MYO9B: variants seen among roughly 807,000 people sequenced by gnomAD.
MYO9B encodes the protein unconventional myosin-IXb.
MYO9B carries 71 observed loss-of-function variants against 229.5 expected under a neutral mutation model. The ratio of observed to expected loss-of-function variants is 0.31; its 90% CI spans 0.26 to 0.38. MYO9B has a LOEUF of 0.38. MYO9B is among the 10% of genes least tolerant of loss of function. MYO9B has a pLI of 1.00. For missense variants in MYO9B, 2,255 were observed against 2,920.5 expected (o/e 0.77, Z 5.25); for synonymous variants, 1,185 against 1,235.8 (o/e 0.96, Z 0.86).
chr19:17,124,446 G>A (rs1369685208), intron 2 of MYO9B, among the ~76,000 whole-genome samples: 3 of 152,078 alleles, frequency 2.0e-5, no homozygotes, highest in Admixed American at 1.3e-4. Flanking sequence ...TTTTTTTAAA[G>A]TAAACTTATA....
intron 2 of MYO9B, among the ~76,000 whole-genome samples, chr19:17,116,348 G>A (rs1438482444): frequency 6.6e-6 from 1 of 152,174 alleles, no homozygotes; most frequent in East Asian, 1.9e-4. Flanking sequence ...CTGACCAGAG[G>A]TGCATGCCCA....
chr19:17,158,871 G>A (rs555169251), intron 7 of MYO9B, among the ~76,000 whole-genome samples: 6 of 152,180 alleles, frequency 3.9e-5, no homozygotes, highest in East Asian at 3.9e-4. Context: ...CGTGCTATGT[G>A]GGAATTCTGA....
intron 35 of MYO9B, 42 bp downstream of exon 35, chr19:17,207,286 C>A (rs772926872): frequency 4.5e-6 from 7 of 1,572,860 alleles, no homozygotes; most frequent in Non-Finnish European, 6.0e-6. Flanking sequence ...CAGGGCAGCC[C>A]CACCCAGGAC....
chr19:17,135,082 T>C (rs2145191007), intron 2 of MYO9B, among the ~76,000 whole-genome samples: 1 of 152,314 alleles, frequency 6.6e-6, no homozygotes, highest in Non-Finnish European at 1.5e-5. Flanking sequence ...CATCTGTTGA[T>C]GCACACGTCT....
intron 2 of MYO9B, among the ~76,000 whole-genome samples, chr19:17,102,901 C>T (rs1448418186): frequency 1.4e-5 from 2 of 142,946 alleles, no homozygotes; most frequent in Non-Finnish European, 3.1e-5. Context: ...AGAGAGACTC[C>T]ATCTCAAAAA....
intron 2 of MYO9B, among the ~76,000 whole-genome samples, chr19:17,115,897 A>G (rs983410120): frequency 6.6e-6 from 1 of 151,938 alleles, no homozygotes; most frequent in African/African-American, 2.4e-5. Flanking sequence ...TGCCATAGAC[A>G]TACATACGTA....
At chr19:17,158,687 G>A (rs1005211509) in intron 7 of MYO9B, among the ~76,000 whole-genome samples, 8 of 152,190 alleles carry the variant, frequency 5.3e-5, no homozygotes, top group Non-Finnish European at 1.0e-4. Context: ...TTGGCAGTGC[G>A]GGGAGGGATG....
In MYO9B at chr19:17,207,450, T is replaced by C. The variant is rs2073175318; in HGVS notation, c.5624+206T>C. 9.9e-6 allele frequency: 4 copies of C among 402,710 alleles called. No homozygotes were observed. In the South Asian group the frequency reaches 5.2e-4, roughly 52 times the overall value. 24.9% of individuals were successfully genotyped at this position (402,710 alleles called of 1,614,324 possible). On this transcript the variant is annotated intron_variant, in intron 35 of 39. Transcript: ENST00000682292. ...GAGTTCGAGACCAGCCTGGGCAACA[T>C]AGCAAGACCCTACAAAAAATTTGAA...
Position 17,112,790 on chromosome 19 carries a change from GGGGTCAGGGACAGACA to G in MYO9B, c.840+10235_840+10250del, listed in dbSNP as rs1476538402. On this transcript the variant is annotated intron_variant, in intron 2 of 39. Transcript: ENST00000682292. ...TCCTGTCGCATGACCCAGTCAGAGA[GGGGTCAGGGACAGACA>G]GCAAGCTGGGGCACCTCCCAGCCAG... 2.6e-5 allele frequency among the ~76,000 whole-genome samples: 4 copies of G among 152,230 alleles called. No individual in the cohort carries two copies. The East Asian group carries it at 7.7e-4, about 29-fold the overall frequency.
intron 18 of MYO9B, among the ~76,000 whole-genome samples, chr19:17,186,815 C>G (rs544786253): frequency 2.0e-5 from 3 of 152,112 alleles, no homozygotes; most frequent in African/African-American, 7.2e-5. Flanking sequence ...ACTGCAGCCT[C>G]GACCTCCCAG....
chr19:17,181,145 A>C, intron 15 of MYO9B, 105 bp downstream of exon 15: 1 of 716,840 alleles, frequency 1.4e-6, no homozygotes. Context: ...TCGGCCACTA[A>C]AACCACAGTG....
intron 1 of MYO9B, among the ~76,000 whole-genome samples, chr19:17,083,715 C>T (rs955364802): frequency 3.3e-5 from 5 of 150,044 alleles, no homozygotes; most frequent in African/African-American, 1.2e-4. Context: ...GGCACGGCCT[C>T]GGCTCACTGC....
intron 30 of MYO9B, among the ~76,000 whole-genome samples, chr19:17,204,084 C>T (rs527829272): frequency 6.6e-6 from 1 of 151,968 alleles, no homozygotes; most frequent in East Asian, 2.0e-4. Flanking sequence ...GTCTTTTCAG[C>T]CCAGAAGGCA....
At chr19:17,130,728 G>A (rs1321898018) in intron 2 of MYO9B, among the ~76,000 whole-genome samples, 1 of 151,434 alleles carries the variant, frequency 6.6e-6, no homozygotes, top group Non-Finnish European at 1.5e-5. Flanking sequence ...AGGTTGCAGT[G>A]AGCCACTGCA....
rs1452129163 is a variant in MYO9B at position 17,116,872 on chromosome 19, C to G, written c.840+14315C>G. On this transcript the variant is annotated intron_variant, in intron 2 of 39. Transcript: ENST00000682292. ...CGCCACCCCCAAATCCCCAGGTACT[C>G]CCTCGGCTTCATTTCTGTGCCCTGC... 3.9e-5 allele frequency among the ~76,000 whole-genome samples: 6 copies of G among 152,162 alleles called. No individual in the cohort carries two copies. In the East Asian group the frequency reaches 1.2e-3, roughly 29 times the overall value.
chr19:17,100,379 A>G (rs1179349469), intron 1 of MYO9B, among the ~76,000 whole-genome samples: 2 of 152,110 alleles, frequency 1.3e-5, no homozygotes, highest in African/African-American at 4.8e-5. Flanking sequence ...AGGCTGAGGC[A>G]GAAGAATTGC....
intron 1 of MYO9B, among the ~76,000 whole-genome samples, chr19:17,083,891 T>C (rs985551200): frequency 6.6e-6 from 1 of 151,752 alleles, no homozygotes; most frequent in African/African-American, 2.4e-5. Flanking sequence ...CCTCAGGTGA[T>C]CCACCCACCT....
intron 2 of MYO9B, among the ~76,000 whole-genome samples, chr19:17,135,098 A>G (rs2072252881): frequency 6.6e-6 from 1 of 152,110 alleles, no homozygotes; most frequent in African/African-American, 2.4e-5. Flanking sequence ...CGTCTTGGCT[A>G]TTGTGATTAG....
intron 13 of MYO9B, among the ~76,000 whole-genome samples, chr19:17,174,337 C>T (rs1426102600): frequency 6.6e-6 from 1 of 152,052 alleles, no homozygotes; most frequent in Non-Finnish European, 1.5e-5. Context: ...GGCCAATGAG[C>T]TGCTTTTTAA....
Sources: allele counts gnomAD v4.1 joint callset (sites outside exome capture counted in the v4.1 genomes callset), GRCh38; gene constraint gnomAD v4.1.1; transcripts MANE v1.5; gene names NCBI Gene and HGNC (gene_info 2026-07-23, HGNC 2026-07-21).